The following SH3RF3 variants were observed in gnomAD, a reference collection of about 807,000 sequenced individuals.
The protein encoded by SH3RF3 is E3 ubiquitin-protein ligase SH3RF3.
A neutral mutation model predicts 66.3 loss-of-function variants in SH3RF3; 29 were observed. The observed-to-expected ratio is 0.44, with a 90% CI of 0.33 to 0.60. The LOEUF (loss-of-function observed/expected upper bound fraction) is 0.60. Among genes scored for constraint, SH3RF3 ranks in the 20% least tolerant of loss-of-function variants. The pLI, the probability that SH3RF3 is intolerant of heterozygous loss-of-function variation, is 0.04. For synonymous variants in SH3RF3, 583 were observed against 532.0 expected (o/e 1.10, Z -1.32); for missense variants, 1,194 against 1,190.9 (o/e 1.00, Z -0.04).
chr2:109,261,716 A>T lies in SH3RF3; in HGVS notation c.574-85958A>T, dbSNP rs141706890. Among the ~76,000 whole-genome samples the T allele has an allele frequency of 2.5e-3, 388 of 152,266 alleles. 4 individuals are homozygous for T. Among genetic ancestry groups the T allele is most frequent in the Middle Eastern group, 0.02 (6 of 294 alleles). On this transcript the variant is annotated intron_variant, in intron 1 of 9. Transcript: ENST00000309415. ...TTATTGAATTGGGTGTGTATTTAAAATTTGGCTCATTGAGAATCAGTGTAA... is the reference window on the plus strand; with the variant it reads ...TTATTGAATTGGGTGTGTATTTAAATTTTGGCTCATTGAGAATCAGTGTAA...
intron 3 of SH3RF3, among the ~76,000 whole-genome samples, chr2:109,389,377 T>C (rs1450925750): frequency 2.0e-5 from 3 of 152,228 alleles, no homozygotes; most frequent in Admixed American, 2.0e-4. Context: ...TTTCTGTCTT[T>C]GTGGGTGTGA....
intron 1 of SH3RF3, among the ~76,000 whole-genome samples, chr2:109,267,537 C>G (rs1054629590): frequency 6.6e-6 from 1 of 152,168 alleles, no homozygotes; most frequent in Non-Finnish European, 1.5e-5. Flanking sequence ...CAGCCCCACT[C>G]CCTTCCAACA....
chr2:109,358,513 C>A (rs1356562241), intron 2 of SH3RF3, among the ~76,000 whole-genome samples: 2 of 152,192 alleles, frequency 1.3e-5, no homozygotes, highest in East Asian at 3.8e-4. Context: ...TGCATTTCTG[C>A]CAGCCGTGAA....
chr2:109,199,642 T>TC (rs1678610776), intron 1 of SH3RF3, among the ~76,000 whole-genome samples: 2 of 24 alleles, frequency 0.083, 1 homozygote, highest in Non-Finnish European at 0.25. Flanking sequence ...TGGAATGGAA[T>TC]GGAATGGAAT....
At chr2:109,354,906 G>A (rs1226245787) in intron 2 of SH3RF3, among the ~76,000 whole-genome samples, 1 of 152,264 alleles carries the variant, frequency 6.6e-6, no homozygotes, top group African/African-American at 2.4e-5. Flanking sequence ...CTTTGTGAAT[G>A]TAGTATTTAC....
At chr2:109,446,898 C>T (rs1255690688) in intron 7 of SH3RF3, among the ~76,000 whole-genome samples, 1 of 152,046 alleles carries the variant, frequency 6.6e-6, no homozygotes, top group Non-Finnish European at 1.5e-5. Flanking sequence ...AGGGCCACAG[C>T]GCTTCCCTGG....
chr2:109,457,205 G>C (rs766657170), intron 8 of SH3RF3, among the ~76,000 whole-genome samples: 8 of 152,156 alleles, frequency 5.3e-5, no homozygotes, highest in Non-Finnish European at 1.2e-4. Context: ...AAAAGTATTA[G>C]AAATTATTAT....
chr2:109,474,611 G>A (rs529282742), intron 8 of SH3RF3, among the ~76,000 whole-genome samples: 22 of 152,262 alleles, frequency 1.4e-4, no homozygotes, highest in African/African-American at 4.8e-4. Context: ...GGTTTGGGCA[G>A]GGGGGGAGAA....
intron 1 of SH3RF3, among the ~76,000 whole-genome samples, chr2:109,322,018 G>A (rs548834139): frequency 2.0e-5 from 3 of 152,244 alleles, no homozygotes; most frequent in South Asian, 2.1e-4. Flanking sequence ...GAAGTGGATG[G>A]CTCTTTTTAA....
intron 1 of SH3RF3, among the ~76,000 whole-genome samples, chr2:109,149,324 G>A (rs918540429): frequency 6.6e-6 from 1 of 152,198 alleles, no homozygotes; most frequent in Non-Finnish European, 1.5e-5. Flanking sequence ...TCTTTGGCTT[G>A]ACTTGAGCTC....
At chr2:109,394,422 G>A (rs183173249) in intron 3 of SH3RF3, among the ~76,000 whole-genome samples, 2 of 152,278 alleles carry the variant, frequency 1.3e-5, no homozygotes, top group East Asian at 1.9e-4. Context: ...GTTCCCAAGA[G>A]CATCGGACTA....
intron 1 of SH3RF3, among the ~76,000 whole-genome samples, chr2:109,239,451 G>A (rs1185146938): frequency 2.0e-5 from 3 of 152,232 alleles, no homozygotes; most frequent in African/African-American, 7.2e-5. Context: ...CCTGCTCCTT[G>A]CCTCCAATCA....
chr2:109,419,339 G>T (rs541184813), intron 4 of SH3RF3, among the ~76,000 whole-genome samples, 200 bp from the exon 5 acceptor site: 1 of 152,306 alleles, frequency 6.6e-6, no homozygotes, highest in African/African-American at 2.4e-5. Flanking sequence ...AGGGGCTCTT[G>T]AAAATCACCT....
At chr2:109,355,795 C>G (rs575922394) in intron 2 of SH3RF3, among the ~76,000 whole-genome samples, 1 of 152,264 alleles carries the variant, frequency 6.6e-6, no homozygotes, top group South Asian at 2.1e-4. Context: ...TATACAAAGC[C>G]CATTTGGTGT....
intron 9 of SH3RF3, among the ~76,000 whole-genome samples, chr2:109,494,837 C>T (rs920741194): frequency 2.6e-5 from 4 of 152,162 alleles, no homozygotes; most frequent in Admixed American, 6.5e-5. Flanking sequence ...CCATCTCTTT[C>T]AAGACTCTGG....
chr2:109,332,272 T>C (rs969295709), intron 1 of SH3RF3, among the ~76,000 whole-genome samples: 1 of 152,068 alleles, frequency 6.6e-6, no homozygotes, highest in Non-Finnish European at 1.5e-5. Context: ...TCCGTCTGTT[T>C]CCCTCTGGCA....
At chr2:109,247,882 G>C (rs1351367176) in intron 1 of SH3RF3, among the ~76,000 whole-genome samples, 1 of 152,224 alleles carries the variant, frequency 6.6e-6, no homozygotes, top group Non-Finnish European at 1.5e-5. Flanking sequence ...AGGCTAGCCT[G>C]GGCGTCTTCA....
At chr2:109,425,078 G>C (rs757858362) in intron 5 of SH3RF3, among the ~76,000 whole-genome samples, 27 of 152,220 alleles carry the variant, frequency 1.8e-4, no homozygotes, top group Non-Finnish European at 3.2e-4. Flanking sequence ...TGCTGATACG[G>C]AGAATGTTTG....
At chr2:109,264,690 T>G (rs1027049968) in intron 1 of SH3RF3, among the ~76,000 whole-genome samples, 1 of 152,206 alleles carries the variant, frequency 6.6e-6, no homozygotes, top group African/African-American at 2.4e-5. Context: ...GCCCAGTGGA[T>G]GCTAGATGTT....
Sources: gnomAD v4.1 joint callset for allele counts (sites outside exome capture counted in the v4.1 genomes callset) on GRCh38, gnomAD v4.1.1 for gene constraint, MANE v1.5 for transcripts, NCBI Gene and HGNC (gene_info 2026-07-23, HGNC 2026-07-21) for gene names.